VAT1L: variants seen among roughly 807,000 people sequenced by gnomAD.
VAT1L encodes the protein putative NADPH-dependent quinone oxidoreductase VAT1L.
VAT1L carries 34 observed loss-of-function variants against 44.1 expected under a neutral mutation model. The observed-to-expected ratio is 0.77, with a 90% CI of 0.59 to 1.03. VAT1L has a LOEUF of 1.03. VAT1L is among the 50% of genes least tolerant of loss of function. VAT1L has a pLI of 0.00. For synonymous variants in VAT1L, 253 were observed against 202.2 expected (o/e 1.25, Z -2.13); for missense variants, 615 against 538.8 (o/e 1.14, Z -1.40).
intron 7 of VAT1L, among the ~76,000 whole-genome samples, chr16:77,962,779 A>AAG (rs1194896172): frequency 6.8e-5 from 3 of 44,206 alleles, no homozygotes; most frequent in Non-Finnish European, 1.2e-4. Context: ...AAGGAAGGAA[A>AAG]GAAAGAGAAA....
rs753506804 is a variant in VAT1L, at chr16:77,821,300, CT to C, written c.364-3930del. On this transcript the variant is annotated intron_variant, in intron 2 of 8. Coordinates refer to ENST00000302536, the MANE Select transcript of VAT1L (RefSeq NM_020927.3). ...AGGTGGACTTTTGTTGAAATCTTGT[CT>C]TTTTTTTTTTTTTTTCGAGATGGGA... Among the ~76,000 whole-genome samples, 701 of 135,180 alleles carry C rather than the reference CT, an allele frequency of 5.2e-3. 2 individuals are homozygous for C. Among genetic ancestry groups the C allele is most frequent in the African/African-American group, 0.013 (494 of 37,382 alleles). The allele number at this position is 135,180 out of a possible 152,430, so 88.7% of individuals were successfully genotyped here.
rs1253038844 is a variant in VAT1L at position 77,977,748 on chromosome 16, G to A, written c.*53G>A. Reference sequence around the variant, plus strand: ...GGATGGTTTGGAAGATGAGGACCCGGCTGAGAAAACTCTTCTGTGCCCCAG... The same window carrying A: ...GGATGGTTTGGAAGATGAGGACCCGACTGAGAAAACTCTTCTGTGCCCCAG... On this transcript the variant is annotated 3_prime_UTR_variant, in exon 9 of 9. Coordinates refer to ENST00000302536, the MANE Select transcript of VAT1L (RefSeq NM_020927.3). The A allele has an allele frequency of 1.9e-6, 3 of 1,558,418 alleles. No individual in the cohort carries two copies. The highest frequency in any genetic ancestry group is 2.0e-4 in the Middle Eastern group (1 of 4,998).
At chr16:77,967,897 A>T (rs2018239615) in intron 7 of VAT1L, among the ~76,000 whole-genome samples, 1 of 152,132 alleles carries the variant, frequency 6.6e-6, no homozygotes, top group African/African-American at 2.4e-5. Flanking sequence ...AGCAGTACGG[A>T]CTAGGCAGAA....
intron 1 of VAT1L, among the ~76,000 whole-genome samples, chr16:77,803,739 G>A (rs905294422): frequency 3.9e-5 from 6 of 152,048 alleles, no homozygotes; most frequent in Non-Finnish European, 8.8e-5. Context: ...TTTATCAGCA[G>A]TAATGTCTTA....
intron 8 of VAT1L, among the ~76,000 whole-genome samples, chr16:77,976,820 G>A (rs1457291949): frequency 6.6e-6 from 1 of 152,148 alleles, no homozygotes; most frequent in African/African-American, 2.4e-5. Flanking sequence ...TCATAACTAT[G>A]CCAGGTACCA....
chr16:77,842,524 G>A (rs983217508), intron 3 of VAT1L, among the ~76,000 whole-genome samples: 1 of 152,190 alleles, frequency 6.6e-6, no homozygotes, highest in African/African-American at 2.4e-5. Context: ...TGATAGGTTA[G>A]CAGAGTTCTT....
intron 7 of VAT1L, among the ~76,000 whole-genome samples, chr16:77,930,676 G>T (rs1190293888): frequency 2.6e-5 from 4 of 152,144 alleles, no homozygotes; most frequent in African/African-American, 9.7e-5. Context: ...TCAGGGTGTT[G>T]AAAGCCCCCA....
At chr16:77,803,367 T>G (rs977135662) in intron 1 of VAT1L, among the ~76,000 whole-genome samples, 2 of 151,928 alleles carry the variant, frequency 1.3e-5, no homozygotes, top group Non-Finnish European at 2.9e-5. Flanking sequence ...TCTATTCAAG[T>G]CTTCACCTCC....
chr16:77,838,204 G>A (rs575690575), intron 3 of VAT1L, among the ~76,000 whole-genome samples: 5 of 152,272 alleles, frequency 3.3e-5, no homozygotes, highest in South Asian at 4.2e-4. Context: ...ACTCTTGGCC[G>A]GGTTTATATG....
chr16:77,891,097 G>A (rs1312358859), intron 7 of VAT1L, among the ~76,000 whole-genome samples: 1 of 152,028 alleles, frequency 6.6e-6, no homozygotes, highest in Non-Finnish European at 1.5e-5. Flanking sequence ...GCTCATGCCT[G>A]TAATCCCAGC....
rs759520998 is a variant in VAT1L at position 77,971,905 on chromosome 16, T to C, written c.1133T>C (p.Leu378Pro). ...HDRGNIGKLILDVEKTPTPLM... is the reference protein window; with the variant it reads ...HDRGNIGKLIPDVEKTPTPLM... ...CGAGGGAACATTGGCAAGTTAATTCTGGATGTAGAAAAGACCCCAACTCCA... is the reference window on the plus strand; with the variant it reads ...CGAGGGAACATTGGCAAGTTAATTCCGGATGTAGAAAAGACCCCAACTCCA... Residue 378 changes from leucine (L) to proline (P), a missense_variant, in exon 8 of 9, where the codon CTG (leucine) becomes CCG (proline). By Grantham distance (98) the Leu-to-Pro change is moderately conservative. Coordinates refer to ENST00000302536, the MANE Select transcript of VAT1L (RefSeq NM_020927.3). 1 of 1,613,938 alleles carries C rather than the reference T, an allele frequency of 6.2e-7. No individual in the cohort carries two copies. Among genetic ancestry groups the C allele is most frequent in the Non-Finnish European group, 8.5e-7 (1 of 1,179,892 alleles).
intron 3 of VAT1L, among the ~76,000 whole-genome samples, chr16:77,838,882 A>AC (rs1348516965): frequency 4.1e-5 from 5 of 123,002 alleles, no homozygotes; most frequent in South Asian, 2.6e-4. Context: ...CTTTCTCTCC[A>AC]CCCCCCACCC....
intron 7 of VAT1L, among the ~76,000 whole-genome samples, chr16:77,917,934 ACT>A (rs1185258204): frequency 1.3e-5 from 2 of 152,212 alleles, no homozygotes; most frequent in East Asian, 1.9e-4. Flanking sequence ...TATATGCAAG[ACT>A]CTCAAGGTCT....
intron 7 of VAT1L, among the ~76,000 whole-genome samples, chr16:77,927,704 C>T (rs865892081): frequency 4.1e-4 from 63 of 151,902 alleles, no homozygotes; most frequent in Non-Finnish European, 8.1e-4. Flanking sequence ...AGTGAAACCC[C>T]GTCTCTACTA....
intron 4 of VAT1L, among the ~76,000 whole-genome samples, chr16:77,868,656 A>T (rs2017000111): frequency 6.6e-6 from 1 of 152,188 alleles, no homozygotes; most frequent in Non-Finnish European, 1.5e-5. Context: ...TGACTCTCAC[A>T]AAGGAAGTGA....
At chr16:77,962,466 G>T (rs2018170969) in intron 7 of VAT1L, among the ~76,000 whole-genome samples, 2 of 152,078 alleles carry the variant, frequency 1.3e-5, no homozygotes, top group African/African-American at 4.8e-5. Context: ...CTCTAAGTGG[G>T]GCCCAGGTCT....
At chr16:77,975,629 G>T (rs867476876) in intron 8 of VAT1L, among the ~76,000 whole-genome samples, 1 of 152,228 alleles carries the variant, frequency 6.6e-6, no homozygotes, top group African/African-American at 2.4e-5. Context: ...CCCAGGCAGG[G>T]GAAGTCGACT....
At chr16:77,845,230 G>C (rs577649663) in intron 3 of VAT1L, among the ~76,000 whole-genome samples, 5 of 152,268 alleles carry the variant, frequency 3.3e-5, no homozygotes, top group Non-Finnish European at 7.4e-5. Context: ...CTCTGCCTGA[G>C]GTTGTTTCCT....
At chr16:77,856,485 T>C (rs1466351966) in intron 3 of VAT1L, among the ~76,000 whole-genome samples, 1 of 152,174 alleles carries the variant, frequency 6.6e-6, no homozygotes, top group Non-Finnish European at 1.5e-5. Flanking sequence ...GTACTTAATA[T>C]GTACCAGGCA....
Sources: gnomAD v4.1 joint callset for allele counts (sites outside exome capture counted in the v4.1 genomes callset) on GRCh38, gnomAD v4.1.1 for gene constraint, MANE v1.5 for transcripts, NCBI Gene and HGNC (gene_info 2026-07-23, HGNC 2026-07-21) for gene names.